The following GRM1 variants were observed in gnomAD, a reference collection of about 807,000 sequenced individuals.
GRM1 encodes metabotropic glutamate receptor 1.
In GRM1, 33 loss-of-function variants were observed where a neutral mutation model predicts 90.9. The observed-to-expected ratio is 0.36, with a 90% CI of 0.28 to 0.49. GRM1 has a LOEUF of 0.49. Among genes scored for constraint, GRM1 ranks in the 20% least tolerant of loss-of-function variants. The pLI, the probability that GRM1 is intolerant of heterozygous loss-of-function variation, is 0.99. For missense variants in GRM1, 1,190 were observed against 1,534.3 expected, an observed-to-expected ratio of 0.78 and a Z score of 3.75; for synonymous variants, 700 against 613.2, an observed-to-expected ratio of 1.14 and a Z score of -2.09.
At chr6:146,080,795 C>T (rs1582973623) in intron 1 of GRM1, among the ~76,000 whole-genome samples, 1 of 152,156 alleles carries the variant, frequency 6.6e-6, no homozygotes, top group South Asian at 2.1e-4. Context: ...AGTGGCTGCA[C>T]GTGGTGTCTG....
chr6:146,331,577 A>G (rs1311255025), intron 3 of GRM1, among the ~76,000 whole-genome samples: 1 of 152,182 alleles, frequency 6.6e-6, no homozygotes, highest in Non-Finnish European at 1.5e-5. Flanking sequence ...TGTTGCTATC[A>G]GGAAGACTAG....
intron 1 of GRM1, among the ~76,000 whole-genome samples, chr6:146,096,971 C>A (rs1451676230): frequency 6.6e-6 from 1 of 151,656 alleles, no homozygotes; most frequent in African/African-American, 2.4e-5. Flanking sequence ...ATTTTATGTT[C>A]TACTATGCCA....
intron 3 of GRM1, among the ~76,000 whole-genome samples, chr6:146,344,287 T>C (rs550580708): frequency 6.6e-6 from 1 of 152,340 alleles, no homozygotes; most frequent in South Asian, 2.1e-4. Context: ...CTTTACTATC[T>C]ATAGTGCAGT....
At chr6:146,354,200 T>G (rs1785504977) in intron 4 of GRM1, among the ~76,000 whole-genome samples, 1 of 152,108 alleles carries the variant, frequency 6.6e-6, no homozygotes, top group South Asian at 2.1e-4. Flanking sequence ...GCGAGTGAGG[T>G]AGATGGAATG....
intron 2 of GRM1, among the ~76,000 whole-genome samples, chr6:146,238,587 T>A (rs1471463249): frequency 6.6e-6 from 1 of 152,136 alleles, no homozygotes; most frequent in Non-Finnish European, 1.5e-5. Flanking sequence ...GTTGCTGACA[T>A]TTTGTGGAAG....
intron 2 of GRM1, among the ~76,000 whole-genome samples, chr6:146,175,946 C>A (rs1004747041): frequency 2.0e-5 from 3 of 151,944 alleles, no homozygotes; most frequent in African/African-American, 7.2e-5. Flanking sequence ...AACCTCTAAC[C>A]CTCTTTCCTC....
intron 2 of GRM1, among the ~76,000 whole-genome samples, chr6:146,236,626 T>C (rs1315863559): frequency 6.6e-6 from 1 of 152,102 alleles, no homozygotes; most frequent in Non-Finnish European, 1.5e-5. Context: ...TATATATTTC[T>C]TTTCCTCCAC....
rs1167678736 is a variant in GRM1 at position 146,434,245 on chromosome 6, G to A, written c.3034G>A (p.Gly1012Ser). The change falls in exon 8 of 8, where the codon GGC becomes AGC. Residue 1012 changes from glycine to serine, a missense_variant. Transcript: ENST00000282753. ...CCTGGCCGAACCAGCCCTCCCCAAG[G>A]GCTTGCCCCCTCCTCTCCAGCAGCA... Reference protein sequence around the residue: ...LFLAEPALPKGLPPPLQQQQQ... With the variant: ...LFLAEPALPKSLPPPLQQQQQ... The A allele has an allele frequency of 6.2e-7, 1 of 1,602,718 alleles. No homozygotes were observed. The highest frequency in any genetic ancestry group is 8.5e-7 in the Non-Finnish European group (1 of 1,172,792).
intron 2 of GRM1, among the ~76,000 whole-genome samples, chr6:146,243,218 A>G (rs566274091): frequency 6.6e-6 from 1 of 152,158 alleles, no homozygotes; most frequent in Admixed American, 6.6e-5. Flanking sequence ...TGTATTCACA[A>G]TATACACATC....
chr6:146,415,109 A>G, intron 7 of GRM1, among the ~76,000 whole-genome samples: 1 of 152,178 alleles, frequency 6.6e-6, no homozygotes, highest in Non-Finnish European at 1.5e-5. Context: ...TTTATTTTTT[A>G]CAGTTCTGGA....
intron 2 of GRM1, among the ~76,000 whole-genome samples, chr6:146,303,191 C>T (rs1185714176): frequency 6.6e-6 from 1 of 152,248 alleles, no homozygotes; most frequent in East Asian, 1.9e-4. Flanking sequence ...TCTCAGGTAA[C>T]CAAGGGTGAG....
At chr6:146,247,778 TG>T (rs1781117388) in intron 2 of GRM1, among the ~76,000 whole-genome samples, 1 of 133,314 alleles carries the variant, frequency 7.5e-6, no homozygotes, top group East Asian at 2.2e-4. Flanking sequence ...GAAATGTGTG[TG>T]GTGTGTGTGT....
At chr6:146,083,381 ACT>A (rs1776430815) in intron 1 of GRM1, among the ~76,000 whole-genome samples, 1 of 151,414 alleles carries the variant, frequency 6.6e-6, no homozygotes, top group Non-Finnish European at 1.5e-5. Flanking sequence ...GTCATAAATA[ACT>A]CTTTTTATTT....
At chr6:146,409,150 G>A (rs1015376805) in intron 7 of GRM1, among the ~76,000 whole-genome samples, 18 of 152,150 alleles carry the variant, frequency 1.2e-4, no homozygotes, top group African/African-American at 4.3e-4. Flanking sequence ...AGAGTGGAAA[G>A]GCTCCAGGTT....
At chr6:146,175,277 A>G (rs1778299259) in intron 2 of GRM1, among the ~76,000 whole-genome samples, 1 of 151,160 alleles carries the variant, frequency 6.6e-6, no homozygotes, top group African/African-American at 2.5e-5. Flanking sequence ...CTTGCTTTTA[A>G]AGCTATTATT....
chr6:146,032,752 C>T (rs569558868), intron 1 of GRM1, among the ~76,000 whole-genome samples: 1 of 152,246 alleles, frequency 6.6e-6, no homozygotes, highest in South Asian at 2.1e-4. Context: ...CAGCCATTCC[C>T]TAGTCAATTC....
chr6:146,082,685 C>T (rs894781372), intron 1 of GRM1, among the ~76,000 whole-genome samples: 3 of 152,070 alleles, frequency 2.0e-5, no homozygotes, highest in Admixed American at 6.6e-5. Flanking sequence ...CATTTTTTAC[C>T]GAATTGCTCC....
chr6:146,216,496 T>A (rs1779875535), intron 2 of GRM1, among the ~76,000 whole-genome samples: 1 of 152,210 alleles, frequency 6.6e-6, no homozygotes, highest in African/African-American at 2.4e-5. Flanking sequence ...TTTGAATGGT[T>A]TTTATTGCCA....
intron 2 of GRM1, among the ~76,000 whole-genome samples, chr6:146,186,602 A>G (rs1331102494): frequency 6.6e-6 from 1 of 151,894 alleles, no homozygotes; most frequent in Non-Finnish European, 1.5e-5. Context: ...TAACAGTTTT[A>G]CTAGATGTTT....
Sources: allele counts gnomAD v4.1 joint callset (sites outside exome capture counted in the v4.1 genomes callset), GRCh38; gene constraint gnomAD v4.1.1; transcripts MANE v1.5; gene names NCBI Gene and HGNC (gene_info 2026-07-23, HGNC 2026-07-21).